Variants in CFAP65 observed in about 807,000 individuals in gnomAD.
CFAP65 encodes the protein cilia- and flagella-associated protein 65.
In CFAP65, 155 loss-of-function variants were observed where a neutral mutation model predicts 208.0. That is an observed-to-expected ratio of 0.75 (90% confidence interval 0.65 to 0.85). CFAP65 has a LOEUF of 0.85. Among genes scored for constraint, CFAP65 ranks in the 40% least tolerant of loss-of-function variants. The pLI is 0.00. For missense variants in CFAP65, 2,294 were observed against 2,451.3 expected, an observed-to-expected ratio of 0.94 and a Z score of 1.36; for synonymous variants, 970 against 986.3, an observed-to-expected ratio of 0.98 and a Z score of 0.31.
At chr2:219,023,736 C>T (rs1156375831) in intron 15 of CFAP65, among the ~76,000 whole-genome samples, 1 of 152,252 alleles carries the variant, frequency 6.6e-6, no homozygotes, top group Non-Finnish European at 1.5e-5. Flanking sequence ...CCTCTACCAC[C>T]TGCAGGTGTC....
intron 21 of CFAP65, chr2:219,014,302 G>A (rs1946692986): frequency 5.9e-6 from 2 of 336,988 alleles, no homozygotes; most frequent in African/African-American, 4.2e-5. Context: ...CACTGTGGAT[G>A]CCAGGAGTCA....
intron 22 of CFAP65, 52 bp downstream of exon 22, chr2:219,013,816 G>C: frequency 6.7e-7 from 1 of 1,501,330 alleles, no homozygotes; most frequent in Non-Finnish European, 9.1e-7. Flanking sequence ...AAATGCCCGG[G>C]GTAGGGGCCT....
chr2:219,021,168 A>G lies in CFAP65; in HGVS notation c.3243T>C (p.Ser1081=), dbSNP rs756702993. ...TCTAGGTACCTCTGTGGGAAAGGAG[A>G]GAGTAGGTGATGGTCCAGGAGTACT... ...RSQYSWTITY[S]LLSHRDNKAG... The change falls in exon 19 of 35, where the codon TCT becomes TCC. Residue 1081 remains serine (S), a synonymous_variant. Coordinates refer to ENST00000341552, the MANE Select transcript of CFAP65 (RefSeq NM_194302.4). 9 of 1,575,680 alleles carry G rather than the reference A, an allele frequency of 5.7e-6. No individual in the cohort carries two copies. Among genetic ancestry groups the G allele is most frequent in the Middle Eastern group, 1.7e-4 (1 of 5,908 alleles).
chr2:219,028,190 G>A lies in CFAP65; in HGVS notation c.1851+11C>T. ...TAGAGAAGGGATATGCAGCTGGGGA[G>A]GGCACTGTACCTGGATGGGAATCAT... On this transcript the variant is annotated intron_variant, in intron 12 of 34. Transcript: ENST00000341552. 3.1e-6 allele frequency: 5 copies of A among 1,612,864 alleles called. No individual in the cohort carries two copies. The highest frequency in any genetic ancestry group is 4.2e-6 in the Non-Finnish European group (5 of 1,179,122).
Position 219,032,422 on chromosome 2 carries a change from A to C in CFAP65, c.645+48T>G. 6.7e-7 allele frequency: 1 copy of C among 1,501,288 alleles called. No individual in the cohort carries two copies. Among genetic ancestry groups the C allele is most frequent in the Non-Finnish European group, 9.0e-7 (1 of 1,105,674 alleles). The allele number at this position is 1,501,288 out of a possible 1,614,324, so 93.0% of individuals were successfully genotyped here. ...CTGTCCTGTTTTCTGTTCTGAGGTC[A>C]CTGCTCCCAGGTACCTCCCTGCCCT... On this transcript the variant is annotated intron_variant, in intron 6 of 34. Transcript: ENST00000341552. This position sits in a 1 kb window ranked among gnomAD's most constrained non-coding sequence, Gnocchi z 5.5.
At chr2:219,029,334 C>A (rs1947859567) in intron 11 of CFAP65, 69 bp downstream of exon 11, 2 of 1,549,158 alleles carry the variant, frequency 1.3e-6, no homozygotes, top group East Asian at 4.5e-5. Flanking sequence ...GCCCACCAAG[C>A]CTTGTCATCA....
Position 219,019,554 on chromosome 2 carries a change from C to A in CFAP65, c.3425G>T (p.Arg1142Leu). The change falls in exon 20 of 35, where the codon CGT becomes CTT. Residue 1142 changes from arginine (R) to leucine (L), a missense_variant. Coordinates refer to ENST00000341552, the MANE Select transcript of CFAP65 (RefSeq NM_194302.4). ...GGTGAGCTCACAGGGGGTGGGGTCACGCTCCAAGTAACTGTTAAGCAGGTC... is the reference window on the plus strand; with the variant it reads ...GGTGAGCTCACAGGGGGTGGGGTCAAGCTCCAAGTAACTGTTAAGCAGGTC... Reference protein sequence around the residue: ...SLDLLNSYLERDPTPCELTYK... With the variant: ...SLDLLNSYLELDPTPCELTYK... 1 of 1,613,448 alleles carries A rather than the reference C, an allele frequency of 6.2e-7. No individual in the cohort carries two copies. Among genetic ancestry groups the A allele is most frequent in the Non-Finnish European group, 8.5e-7 (1 of 1,180,016 alleles).
intron 14 of CFAP65, 120 bp from the exon 15 acceptor site, chr2:219,024,380 G>T: frequency 8.0e-7 from 1 of 1,252,172 alleles, no homozygotes; most frequent in Non-Finnish European, 1.1e-6. Context: ...GTGCTGCCCT[G>T]CAGCCCAGTC....
In CFAP65 at chr2:219,010,631, T is replaced by C; in HGVS notation, c.4223A>G (p.His1408Arg). The part of the protein sequence containing the change: ...IHFQGVGYNP[H>R]MMGDTAPFHN... ...GAATGGGGCTGTGTCCCCCATCATATGGGGGTTGTAGCCCACTCCCTGGAA... is the reference window on the plus strand; with the variant it reads ...GAATGGGGCTGTGTCCCCCATCATACGGGGGTTGTAGCCCACTCCCTGGAA... The change falls in exon 26 of 35, where the codon CAT becomes CGT. Residue 1408 changes from histidine (H) to arginine (R), a missense_variant. Physicochemically the swap from His to Arg is conservative, Grantham distance 29. This residue lies in a region of CFAP65 where 1,427 missense variants were observed against 1,438.7 expected (regional missense o/e 0.99). Transcript: ENST00000341552. The C allele has an allele frequency of 6.2e-7, 1 of 1,612,010 alleles. No homozygotes were observed. Among genetic ancestry groups the C allele is most frequent in the South Asian group, 1.1e-5 (1 of 90,760 alleles).
intron 24 of CFAP65, among the ~76,000 whole-genome samples, chr2:219,011,434 A>G (rs553055242): frequency 6.6e-6 from 1 of 150,894 alleles, no homozygotes; most frequent in African/African-American, 2.4e-5. Context: ...ACTACCACAC[A>G]CAGCTGCTTC....
chr2:219,020,397 A>G (rs1438148936), intron 19 of CFAP65, among the ~76,000 whole-genome samples: 1 of 151,684 alleles, frequency 6.6e-6, no homozygotes, highest in Non-Finnish European at 1.5e-5. Context: ...TTCATTTTTG[A>G]GATAGGGTCT....
chr2:219,019,377 C>A, intron 20 of CFAP65, 129 bp downstream of exon 20: 1 of 1,068,364 alleles, frequency 9.4e-7, no homozygotes, highest in Non-Finnish European at 1.3e-6. Flanking sequence ...TGGGCGAGAA[C>A]TGGGGAGCTC....
In CFAP65 at chr2:219,021,162, A is replaced by T; in HGVS notation, c.3249T>A (p.Leu1083=). The change falls in exon 19 of 35, where the codon CTT becomes CTA. Residue 1083 remains leucine (L), a synonymous_variant. Transcript: ENST00000341552. The stretch of plus-strand genomic sequence containing the variant: ...AGGCAGTCTAGGTACCTCTGTGGGA[A>T]AGGAGAGAGTAGGTGATGGTCCAGG... ...QYSWTITYSL[L]SHRDNKAGEK... is the part of the protein sequence containing the mutation. 1 of 1,566,792 alleles carries T rather than the reference A, an allele frequency of 6.4e-7. No homozygotes were observed. The highest frequency in any genetic ancestry group is 8.7e-7 in the Non-Finnish European group (1 of 1,154,962).
In CFAP65 at chr2:219,031,062, T is replaced by C; in HGVS notation, c.1015+44A>G. ...ACTGAGGCCTGGAGGACCCAGAAGG[T>C]GCAGGAGGGGCCAGTCTGGGGACGG... On this transcript the variant is annotated intron_variant, in intron 8 of 34. Coordinates refer to ENST00000341552, the MANE Select transcript of CFAP65 (RefSeq NM_194302.4). This position sits in a 1 kb window ranked among gnomAD's most constrained non-coding sequence, Gnocchi z 5.2. 1 of 1,547,096 alleles carries C rather than the reference T, an allele frequency of 6.5e-7. No homozygotes were observed. Among genetic ancestry groups the C allele is most frequent in the Non-Finnish European group, 8.7e-7 (1 of 1,143,988 alleles).
intron 18 of CFAP65, among the ~76,000 whole-genome samples, chr2:219,021,535 T>A (rs544831259): frequency 6.6e-6 from 1 of 152,208 alleles, no homozygotes; most frequent in Admixed American, 6.5e-5. Flanking sequence ...TTTTAACAGA[T>A]GAGGAAGCTG....
intron 31 of CFAP65, 142 bp downstream of exon 31, chr2:219,005,879 G>A: frequency 3.4e-6 from 3 of 893,592 alleles, no homozygotes; most frequent in Non-Finnish European, 5.2e-6. Flanking sequence ...GGCATCCTGG[G>A]CCCAGAGGCG....
chr2:219,029,897 C>A, intron 10 of CFAP65, 89 bp downstream of exon 10: 1 of 1,353,726 alleles, frequency 7.4e-7, no homozygotes, highest in Non-Finnish European at 1.0e-6. Context: ...CAAGGTGGCC[C>A]CGCCTCCTAG....
At chr2:219,037,116 G>T (rs1948412033) in intron 4 of CFAP65, among the ~76,000 whole-genome samples, 1 of 152,194 alleles carries the variant, frequency 6.6e-6, no homozygotes, top group African/African-American at 2.4e-5. Flanking sequence ...CTGTGGCCGG[G>T]TGCAGTGGCT....
chr2:219,016,644 C>T (rs553130860), intron 21 of CFAP65, among the ~76,000 whole-genome samples: 2 of 152,256 alleles, frequency 1.3e-5, no homozygotes, highest in African/African-American at 2.4e-5. Flanking sequence ...AGCCCTCTAG[C>T]GTGGGCTTCT....
Sources: allele counts gnomAD v4.1 joint callset (sites outside exome capture counted in the v4.1 genomes callset), GRCh38; gene constraint gnomAD v4.1.1; regional missense constraint gnomAD v4.1.1; non-coding constraint Gnocchi (gnomAD v3.1); transcripts MANE v1.5; gene names NCBI Gene and HGNC (gene_info 2026-07-23, HGNC 2026-07-21).